The following SERINC3 variants were observed in gnomAD, a reference collection of about 807,000 sequenced individuals.
SERINC3 encodes tumor differentially expressed protein 1.
SERINC3 carries 22 observed loss-of-function variants against 52.1 expected under a neutral mutation model. The observed-to-expected ratio is 0.42, with a 90% confidence interval of 0.30 to 0.60. The LOEUF (loss-of-function observed/expected upper bound fraction) is 0.60, where lower values mean the gene tolerates loss of function less well. Among genes scored for constraint, SERINC3 ranks in the 20% least tolerant of loss-of-function variants. The probability of loss-of-function intolerance (pLI) is 0.16; values close to 1 mark genes in which losing one functional copy is unlikely to be tolerated. For synonymous variants in SERINC3, 226 were observed against 212.7 expected (o/e 1.06, Z -0.54); for missense variants, 564 against 584.6 (o/e 0.96, Z 0.36).
At chr20:44,508,230 T>C (rs2064326743) in intron 5 of SERINC3, among the ~76,000 whole-genome samples, 1 of 152,154 alleles carries the variant, frequency 6.6e-6, no homozygotes, top group Non-Finnish European at 1.5e-5. Flanking sequence ...ACGCCTGCAA[T>C]CCTAACACTT....
At chr20:44,512,017 A>G (rs962532115) in intron 3 of SERINC3, among the ~76,000 whole-genome samples, 3 of 152,232 alleles carry the variant, frequency 2.0e-5, no homozygotes, top group Admixed American at 6.5e-5. Flanking sequence ...TCAGTCTTTG[A>G]GAATTAGAAA....
chr20:44,506,609 A>AAAAAAAAAAAAAAAAG (rs1568786484), intron 6 of SERINC3, among the ~76,000 whole-genome samples: 3 of 146,284 alleles, frequency 2.1e-5, no homozygotes, highest in African/African-American at 7.8e-5. Context: ...AAAAAAAAAA[A>AAAAAAAAAAAAAAAAG]AGCACTATAA....
chr20:44,507,520 T>C (rs1475477468), intron 5 of SERINC3, among the ~76,000 whole-genome samples: 2 of 152,190 alleles, frequency 1.3e-5, no homozygotes, highest in African/African-American at 4.8e-5. Context: ...AGTGGCTCAT[T>C]TGCTATTTTT....
chr20:44,505,141 T>A (rs540496544), intron 6 of SERINC3, among the ~76,000 whole-genome samples: 1 of 152,200 alleles, frequency 6.6e-6, no homozygotes, highest in African/African-American at 2.4e-5. Context: ...ACACAAGGAC[T>A]TTGATTTTCC....
Position 44,497,654 on chromosome 20 carries a change from T to C in SERINC3, c.*2642A>G, listed in dbSNP as rs924582702. The C allele has an allele frequency of 1.3e-5, 2 of 152,314 alleles. No individual in the cohort carries two copies. Among genetic ancestry groups the C allele is most frequent in the African/African-American group, 4.8e-5 (2 of 41,442 alleles). The allele number at this position is 152,314 out of a possible 1,614,324, so 9.4% of individuals were successfully genotyped here. A position where few individuals can be genotyped will look rare whatever the true frequency, so the allele number is the denominator to read the frequency against. Reference sequence around the variant, plus strand: ...CAAAATAAGGGGCTACATTTCCCCATCTGACCCTCAAATCCCTTGAAACGC... The same window carrying C: ...CAAAATAAGGGGCTACATTTCCCCACCTGACCCTCAAATCCCTTGAAACGC... On this transcript the variant is annotated 3_prime_UTR_variant, in exon 10 of 10. Transcript: ENST00000342374.
At chr20:44,514,947 A>G (rs2123064831) in intron 1 of SERINC3, among the ~76,000 whole-genome samples, 1 of 152,358 alleles carries the variant, frequency 6.6e-6, no homozygotes, top group East Asian at 1.9e-4. Flanking sequence ...TGAAACTGCT[A>G]TTAAAACAAA....
chr20:44,517,145 C>G (rs1001249045), intron 1 of SERINC3, among the ~76,000 whole-genome samples: 1 of 152,090 alleles, frequency 6.6e-6, no homozygotes, highest in African/African-American at 2.4e-5. Context: ...CCTACTCGAA[C>G]AGGGTGATTG....
At chr20:44,504,043 T>C (rs759551771) in intron 7 of SERINC3, 48 bp from the exon 8 acceptor site, 1 of 1,491,574 alleles carries the variant, frequency 6.7e-7, no homozygotes, top group Admixed American at 2.4e-5. Flanking sequence ...CTCATCTTGT[T>C]CCAAGAAAGA....
At chr20:44,511,514 T>C (rs925119285) in intron 3 of SERINC3, 146 bp from the exon 4 acceptor site, 5 of 604,256 alleles carry the variant, frequency 8.3e-6, no homozygotes, top group Non-Finnish European at 1.5e-5. Flanking sequence ...TGACTATTCA[T>C]TTAATAGGCT....
chr20:44,512,653 A>C, intron 3 of SERINC3, 148 bp downstream of exon 3: 1 of 603,614 alleles, frequency 1.7e-6, no homozygotes, highest in Non-Finnish European at 2.7e-6. Flanking sequence ...ATGACATTAA[A>C]ACAATTTCAC....
At chr20:44,505,054 G>A (rs538535199) in intron 6 of SERINC3, among the ~76,000 whole-genome samples, 163 bp from the exon 7 acceptor site, 22 of 152,266 alleles carry the variant, frequency 1.4e-4, no homozygotes, top group African/African-American at 4.1e-4. Context: ...CAGTTAGCTC[G>A]CAAAAGAACC....
At chr20:44,516,421 C>T (rs1475881231) in intron 1 of SERINC3, among the ~76,000 whole-genome samples, 1 of 151,522 alleles carries the variant, frequency 6.6e-6, no homozygotes, top group Non-Finnish European at 1.5e-5. Context: ...GAGACAGGTT[C>T]TCACTCTGTC....
chr20:44,522,070 C>A lies in SERINC3; in HGVS notation c.-119G>T. On this transcript the variant is annotated 5_prime_UTR_variant, in exon 1 of 10. Coordinates refer to ENST00000342374, the MANE Select transcript of SERINC3 (RefSeq NM_006811.4). Reference sequence around the variant, plus strand: ...TTCTCAGGCCGGAAACGCAGCCTTCCACAGACGCACGGATGCGTCACGGCG... The same window carrying A: ...TTCTCAGGCCGGAAACGCAGCCTTCAACAGACGCACGGATGCGTCACGGCG... The A allele has an allele frequency of 2.7e-6, 3 of 1,114,176 alleles. No individual in the cohort carries two copies. Among genetic ancestry groups the A allele is most frequent in the Non-Finnish European group, 3.9e-6 (3 of 763,548 alleles). The allele number at this position is 1,114,176 out of a possible 1,614,324, so 69.0% of individuals were successfully genotyped here. A position where few individuals can be genotyped will look rare whatever the true frequency, so the allele number is the denominator to read the frequency against.
At position 44,501,226 on chromosome 20, in the gene SERINC3, G is replaced by GT. The variant is rs750316616; in HGVS notation, c.1129dup (p.Thr377AsnfsTer8). On this transcript the variant is annotated frameshift_variant, in exon 9 of 10. Coordinates refer to ENST00000342374, the MANE Select transcript of SERINC3 (RefSeq NM_006811.4). LOFTEE classifies it high-confidence loss of function. Reference sequence around the variant, plus strand: ...TTCATCACTGGCACCACTGGTAGTTGTATCACCAAGGATGACGCTGTCACT... The same window carrying GT: ...TTCATCACTGGCACCACTGGTAGTTGTTATCACCAAGGATGACGCTGTCACT... 6.2e-7 allele frequency: 1 copy of GT among 1,614,180 alleles called. No homozygotes were observed. Among genetic ancestry groups the GT allele is most frequent in the Non-Finnish European group, 8.5e-7 (1 of 1,180,020 alleles).
At chr20:44,501,472 C>T (rs780429841) in intron 8 of SERINC3, among the ~76,000 whole-genome samples, 172 bp from the exon 9 acceptor site, 3 of 152,228 alleles carry the variant, frequency 2.0e-5, no homozygotes, top group Non-Finnish European at 4.4e-5. Context: ...ATAAGACTGA[C>T]GTCACTGTCA....
At chr20:44,516,194 C>G (rs1231663424) in intron 1 of SERINC3, among the ~76,000 whole-genome samples, 7 of 151,734 alleles carry the variant, frequency 4.6e-5, no homozygotes, top group Admixed American at 2.6e-4. Flanking sequence ...CCCAGCTACT[C>G]AGGAGGCTGA....
In SERINC3 at chr20:44,501,756, A is replaced by ACATAT. The variant is rs921572082; in HGVS notation, c.1056-461_1056-457dup. 2.6e-5 allele frequency among the ~76,000 whole-genome samples: 4 copies of ACATAT among 152,328 alleles called. No homozygotes were observed. In the East Asian group the frequency reaches 7.7e-4, roughly 29 times the overall value. ...TTCCTAGGCTTCCTTCTGCCACTGC[A>ACATAT]CATATCACTCCTATCTTCCTTGCTA... On this transcript the variant is annotated intron_variant, in intron 8 of 9. Transcript: ENST00000342374.
chr20:44,510,705 G>A (rs557604570), intron 4 of SERINC3, among the ~76,000 whole-genome samples: 6 of 152,044 alleles, frequency 3.9e-5, no homozygotes, highest in Admixed American at 6.5e-5. Flanking sequence ...CCAGCTACTC[G>A]GGAGACTGAC....
chr20:44,508,246 G>A (rs368877985), intron 5 of SERINC3, among the ~76,000 whole-genome samples: 2 of 152,156 alleles, frequency 1.3e-5, no homozygotes, highest in African/African-American at 4.8e-5. Flanking sequence ...CACTTTGGGA[G>A]GGCAAGGCAG....
Sources: gnomAD v4.1 joint callset for allele counts (sites outside exome capture counted in the v4.1 genomes callset) on GRCh38, gnomAD v4.1.1 for gene constraint, MANE v1.5 for transcripts, NCBI Gene and HGNC (gene_info 2026-07-23, HGNC 2026-07-21) for gene names.